WDR72: variants seen among roughly 807,000 people sequenced by gnomAD.
WDR72 encodes WD repeat domain 72, also known as WD repeat-containing protein 72.
In WDR72, 120 loss-of-function variants were observed where a neutral mutation model predicts 124.2. The ratio of observed to expected loss-of-function variants is 0.97; its 90% CI spans 0.83 to 1.12. WDR72 has a LOEUF of 1.12. Ranked by LOEUF, WDR72 falls within the 50% of genes most tolerant of loss-of-function variation. The pLI, the probability that WDR72 is intolerant of heterozygous loss-of-function variation, is 0.00. For synonymous variants in WDR72, 452 were observed against 441.7 expected (o/e 1.02, Z -0.29); for missense variants, 1,387 against 1,278.8 (o/e 1.08, Z -1.29).
chr15:53,675,808 G>C (rs1165809983), intron 13 of WDR72, among the ~76,000 whole-genome samples: 1 of 152,088 alleles, frequency 6.6e-6, no homozygotes. Flanking sequence ...AGGATAAATT[G>C]GGGTATGGTC....
intron 18 of WDR72, among the ~76,000 whole-genome samples, chr15:53,527,225 T>C (rs1421733547): frequency 6.6e-6 from 1 of 152,068 alleles, no homozygotes; most frequent in African/African-American, 2.4e-5. Context: ...ATTAGAAAAG[T>C]GGTAGCAGGG....
At chr15:53,568,960 T>A (rs56270636) in intron 18 of WDR72, among the ~76,000 whole-genome samples, 10,746 of 152,112 alleles carry the variant, frequency 0.071, 1,133 homozygotes, top group African/African-American at 0.23. Context: ...TTATGATATA[T>A]TTAGCTTGTA....
At chr15:53,744,515 T>C (rs1341697662) in intron 1 of WDR72, among the ~76,000 whole-genome samples, 1 of 152,152 alleles carries the variant, frequency 6.6e-6, no homozygotes, top group African/African-American at 2.4e-5. Flanking sequence ...ATAATATATT[T>C]TGAAATAGAA....
chr15:53,741,302 G>A (rs576401494), intron 1 of WDR72, among the ~76,000 whole-genome samples: 1 of 152,188 alleles, frequency 6.6e-6, no homozygotes, highest in Non-Finnish European at 1.5e-5. Context: ...TATAGCCACA[G>A]GATTCCTAAC....
At chr15:53,726,166 T>A (rs1036555135) in intron 2 of WDR72, among the ~76,000 whole-genome samples, 14 of 146,092 alleles carry the variant, frequency 9.6e-5, no homozygotes, top group Admixed American at 3.5e-4. Context: ...ATATGTAAGT[T>A]AATTGGTTGT....
intron 5 of WDR72, 117 bp downstream of exon 5, chr15:53,715,076 C>G (rs772753813): frequency 1.6e-5 from 18 of 1,117,692 alleles, no homozygotes; most frequent in Non-Finnish European, 2.2e-5. Flanking sequence ...TCCTCATTAA[C>G]AGGTAAGCAT....
chr15:53,672,216 C>T (rs1206678793), intron 13 of WDR72, among the ~76,000 whole-genome samples: 1 of 150,206 alleles, frequency 6.7e-6, no homozygotes, highest in Non-Finnish European at 1.5e-5. Flanking sequence ...TTTAAGGATG[C>T]CCAAATAGAC....
chr15:53,725,777 T>C (rs2018005472), intron 2 of WDR72, among the ~76,000 whole-genome samples: 1 of 152,060 alleles, frequency 6.6e-6, no homozygotes, highest in Non-Finnish European at 1.5e-5. Context: ...ACATTAGTGG[T>C]TGTCAGGGGT....
chr15:53,608,789 A>C (rs78878852), intron 17 of WDR72, among the ~76,000 whole-genome samples: 1 of 78,688 alleles, frequency 1.3e-5, no homozygotes, highest in African/African-American at 4.6e-5. Flanking sequence ...AATAAATATA[A>C]AAATAAAAAC....
At chr15:53,581,966 G>A (rs905373595) in intron 18 of WDR72, among the ~76,000 whole-genome samples, 8 of 151,898 alleles carry the variant, frequency 5.3e-5, no homozygotes, top group African/African-American at 1.9e-4. Context: ...GAGAAGACGA[G>A]GATTGGGCAA....
At chr15:53,704,799 TA>T (rs2017295766) in intron 11 of WDR72, among the ~76,000 whole-genome samples, 188 bp downstream of exon 11, 1 of 123,634 alleles carries the variant, frequency 8.1e-6, no homozygotes, top group Non-Finnish European at 1.7e-5. Flanking sequence ...CCCAAAGTGC[TA>T]GGATTACAGG....
At chr15:53,736,439 G>A (rs2018356606) in intron 1 of WDR72, among the ~76,000 whole-genome samples, 3 of 152,306 alleles carry the variant, frequency 2.0e-5, no homozygotes, top group South Asian at 4.1e-4. Flanking sequence ...AGTGAGAAAG[G>A]AGCTCACATA....
chr15:53,664,105 T>C (rs1435035070), intron 14 of WDR72, among the ~76,000 whole-genome samples: 1 of 152,078 alleles, frequency 6.6e-6, no homozygotes, highest in East Asian at 1.9e-4. Flanking sequence ...CATGCATTAT[T>C]AGCTTTGACC....
chr15:53,685,109 GA>G (rs1165210305), intron 13 of WDR72, among the ~76,000 whole-genome samples: 1 of 151,502 alleles, frequency 6.6e-6, no homozygotes, highest in Non-Finnish European at 1.5e-5. Context: ...CAAAGATGGA[GA>G]AAAAACAGAA....
At chr15:53,700,083 G>T in intron 12 of WDR72, 138 bp from the exon 13 acceptor site, 1 of 962,400 alleles carries the variant, frequency 1.0e-6, no homozygotes, top group Non-Finnish European at 1.6e-6. Flanking sequence ...GCTTTCTACA[G>T]CACCTTTCAT....
chr15:53,538,215 T>C (rs1398846225), intron 18 of WDR72, among the ~76,000 whole-genome samples: 3 of 152,206 alleles, frequency 2.0e-5, no homozygotes, highest in Non-Finnish European at 4.4e-5. Flanking sequence ...ATTTAAATTA[T>C]TGTATGTGCA....
At chr15:53,532,436 T>C (rs1892531938) in intron 18 of WDR72, among the ~76,000 whole-genome samples, 1 of 152,100 alleles carries the variant, frequency 6.6e-6, no homozygotes, top group Non-Finnish European at 1.5e-5. Flanking sequence ...TCTGGTACTA[T>C]ACAAAATGGA....
At chr15:53,652,752 T>C (rs1449228992) in intron 14 of WDR72, among the ~76,000 whole-genome samples, 1 of 152,182 alleles carries the variant, frequency 6.6e-6, no homozygotes, top group African/African-American at 2.4e-5. Flanking sequence ...AATGGGGTAA[T>C]AATATGCACT....
In WDR72 at chr15:53,720,106, T is replaced by A. The variant is rs532774763; in HGVS notation, c.260+2696A>T. 3.2e-4 allele frequency among the ~76,000 whole-genome samples: 48 copies of A among 152,208 alleles called. 1 individual carries two copies. The South Asian group carries it at 5.4e-3, about 17-fold the overall frequency. Reference sequence around the variant, plus strand: ...ATTTTGTGCTATTTGTCCCATTTTTTAAAAAAAATTGTTTTCTTTGAATTA... The same window carrying A: ...ATTTTGTGCTATTTGTCCCATTTTTAAAAAAAAATTGTTTTCTTTGAATTA... On this transcript the variant is annotated intron_variant, in intron 3 of 19. Transcript: ENST00000360509.
Sources: allele counts gnomAD v4.1 joint callset (sites outside exome capture counted in the v4.1 genomes callset), GRCh38; gene constraint gnomAD v4.1.1; transcripts MANE v1.5; gene names NCBI Gene and HGNC (gene_info 2026-07-23, HGNC 2026-07-21).